The following ASTN2 variants were observed in gnomAD, a reference collection of about 807,000 sequenced individuals.
The protein encoded by ASTN2 is astrotactin 2.
A neutral mutation model predicts 139.8 loss-of-function variants in ASTN2; 54 were observed. The observed-to-expected ratio is 0.39, with a 90% CI of 0.31 to 0.48. ASTN2 has a LOEUF of 0.48. Among genes scored for constraint, ASTN2 ranks in the 20% least tolerant of loss-of-function variants. ASTN2 has a pLI of 0.95. For missense variants in ASTN2, 1,565 were observed against 1,725.1 expected (o/e 0.91, Z 1.64); for synonymous variants, 756 against 719.5 (o/e 1.05, Z -0.81).
intron 2 of ASTN2, among the ~76,000 whole-genome samples, chr9:117,257,788 G>A (rs1208567373): frequency 6.6e-6 from 1 of 152,132 alleles, no homozygotes; most frequent in Non-Finnish European, 1.5e-5. Context: ...TCCAGGAGTG[G>A]ACTAAATGTA....
At chr9:116,956,098 T>C (rs923609627) in intron 10 of ASTN2, among the ~76,000 whole-genome samples, 32 of 146,388 alleles carry the variant, frequency 2.2e-4, no homozygotes, top group African/African-American at 6.9e-4. Flanking sequence ...TCTTTTCTTT[T>C]TTTTTTTTTT....
chr9:116,916,237 G>T (rs1834443304), intron 10 of ASTN2, among the ~76,000 whole-genome samples: 1 of 152,204 alleles, frequency 6.6e-6, no homozygotes, highest in Non-Finnish European at 1.5e-5. Flanking sequence ...TCAGTGAAAA[G>T]TGTTGAGCCG....
intron 10 of ASTN2, among the ~76,000 whole-genome samples, chr9:116,897,627 A>C (rs574908782): frequency 5.6e-4 from 85 of 152,212 alleles, no homozygotes; most frequent in Non-Finnish European, 9.4e-4. Context: ...TGGCATATTC[A>C]TATGCCGGAA....
In ASTN2 at chr9:116,425,793, G is replaced by A; in HGVS notation, c.*58C>T. 5 of 1,611,076 alleles carry A rather than the reference G, an allele frequency of 3.1e-6. No individual in the cohort carries two copies. Among genetic ancestry groups the A allele is most frequent in the East Asian group, 4.5e-5 (2 of 44,784 alleles). On this transcript the variant is annotated 3_prime_UTR_variant, in exon 23 of 23. Transcript: ENST00000313400. ...CCCACCCAGGCCCCAGGATCCAGGA[G>A]AATACTGCTCCCCCTCCCATGGAGA...
At chr9:117,158,592 C>T (rs1375663646) in intron 3 of ASTN2, among the ~76,000 whole-genome samples, 1 of 151,916 alleles carries the variant, frequency 6.6e-6, no homozygotes, top group African/African-American at 2.4e-5. Context: ...GAATAAATTT[C>T]CACATTTCCC....
In ASTN2 at chr9:117,089,902, C is replaced by T. The variant is rs543489974; in HGVS notation, c.1276+6142G>A. Reference sequence around the variant, plus strand: ...AGTAGTATTCCATCATGTATATATACGACAGTTTCTTTATCCATTTATTGA... The same window carrying T: ...AGTAGTATTCCATCATGTATATATATGACAGTTTCTTTATCCATTTATTGA... On this transcript the variant is annotated intron_variant, in intron 5 of 22. Coordinates refer to ENST00000313400, the MANE Select transcript of ASTN2 (RefSeq NM_001365068.1). Among the ~76,000 whole-genome samples the T allele has an allele frequency of 1.5e-3, 231 of 152,238 alleles. 3 individuals carry two copies. Among genetic ancestry groups the T allele is most frequent in the East Asian group, 3.5e-3 (18 of 5,176 alleles).
chr9:117,264,012 C>T (rs893826915), intron 2 of ASTN2, among the ~76,000 whole-genome samples: 1 of 151,516 alleles, frequency 6.6e-6, no homozygotes, highest in Non-Finnish European at 1.5e-5. Context: ...ACCAAAGATA[C>T]AAAAATTAGC....
At chr9:116,586,721 T>C (rs561667528) in intron 19 of ASTN2, among the ~76,000 whole-genome samples, 1 of 151,966 alleles carries the variant, frequency 6.6e-6, no homozygotes, top group Non-Finnish European at 1.5e-5. Flanking sequence ...GAATCATTCA[T>C]ATCCCAAACC....
chr9:116,921,403 ACG>A (rs746166661), intron 10 of ASTN2, among the ~76,000 whole-genome samples: 24 of 52,252 alleles, frequency 4.6e-4, no homozygotes, highest in Non-Finnish European at 1.4e-3. Flanking sequence ...ACTGACTAAC[ACG>A]GTGAAACTCT....
chr9:116,460,787 C>A (rs1564291632), intron 20 of ASTN2, among the ~76,000 whole-genome samples: 1 of 152,132 alleles, frequency 6.6e-6, no homozygotes, highest in Admixed American at 6.6e-5. Context: ...TTGGTCTCCT[C>A]CAGCCTTAGT....
intron 11 of ASTN2, among the ~76,000 whole-genome samples, chr9:116,830,791 C>CATA (rs1831788641): frequency 1.0e-5 from 1 of 97,090 alleles, no homozygotes; most frequent in African/African-American, 3.6e-5. Flanking sequence ...GACCCTATGT[C>CATA]AAAAAAAAAA....
intron 3 of ASTN2, among the ~76,000 whole-genome samples, chr9:117,170,325 T>C (rs1830762409): frequency 1.3e-5 from 2 of 152,090 alleles, no homozygotes; most frequent in South Asian, 4.1e-4. Context: ...CTCATCCTTA[T>C]ATGACCTCAG....
intron 1 of ASTN2, among the ~76,000 whole-genome samples, chr9:117,328,368 CAGAA>C (rs1178406618): frequency 1.3e-5 from 2 of 152,098 alleles, no homozygotes; most frequent in Non-Finnish European, 2.9e-5. Flanking sequence ...GAAAAAAAGA[CAGAA>C]AGAAAGAAAA....
intron 5 of ASTN2, among the ~76,000 whole-genome samples, chr9:117,060,656 G>T (rs532389339): frequency 6.6e-6 from 1 of 151,940 alleles, no homozygotes; most frequent in Non-Finnish European, 1.5e-5. Flanking sequence ...CACTTTGGGA[G>T]GCTGAGGTGG....
At chr9:117,045,322 T>G (rs1326425643) in intron 5 of ASTN2, among the ~76,000 whole-genome samples, 3 of 107,590 alleles carry the variant, frequency 2.8e-5, no homozygotes, top group Non-Finnish European at 6.4e-5. Flanking sequence ...GCCTGAGTAT[T>G]TTTTTTTTTC....
chr9:116,550,281 C>G (rs1852284206), intron 19 of ASTN2, among the ~76,000 whole-genome samples: 1 of 152,198 alleles, frequency 6.6e-6, no homozygotes. Context: ...CTTCCACCAC[C>G]TGCTATCTGT....
intron 2 of ASTN2, among the ~76,000 whole-genome samples, chr9:117,245,842 TC>T (rs1833364711): frequency 6.6e-6 from 1 of 152,160 alleles, no homozygotes; most frequent in South Asian, 2.1e-4. Context: ...TAGGTCCTAT[TC>T]TTTAGGTCTC....
At chr9:116,874,109 G>A (rs952223706) in intron 10 of ASTN2, among the ~76,000 whole-genome samples, 1 of 152,218 alleles carries the variant, frequency 6.6e-6, no homozygotes, top group African/African-American at 2.4e-5. Context: ...CTGGCAGTGA[G>A]TCCTAGTGAC....
intron 1 of ASTN2, among the ~76,000 whole-genome samples, chr9:117,321,792 G>A (rs552840031): frequency 6.6e-6 from 1 of 152,250 alleles, no homozygotes; most frequent in East Asian, 1.9e-4. Flanking sequence ...GCGCTATCTT[G>A]TGCATTGTAG....
Sources: allele counts gnomAD v4.1 joint callset (sites outside exome capture counted in the v4.1 genomes callset), GRCh38; gene constraint gnomAD v4.1.1; transcripts MANE v1.5; gene names NCBI Gene and HGNC (gene_info 2026-07-23, HGNC 2026-07-21).